Variants in FHIT observed in about 807,000 individuals in gnomAD.
FHIT encodes the protein fragile histidine triad diadenosine triphosphatase.
In FHIT, 19 loss-of-function variants were observed where a neutral mutation model predicts 17.9. The ratio of observed to expected loss-of-function variants is 1.06; its 90% CI spans 0.74 to 1.56. FHIT has a LOEUF of 1.56. FHIT is among the 40% of genes most tolerant of loss of function. The probability of loss-of-function intolerance (pLI) is 0.00; values close to 1 mark genes in which losing one functional copy is unlikely to be tolerated. For missense variants in FHIT, 248 were observed against 189.2 expected (o/e 1.31, Z -1.82); for synonymous variants, 81 against 69.7 (o/e 1.16, Z -0.81).
At chr3:60,884,461 C>T (rs1342450574) in intron 3 of FHIT, among the ~76,000 whole-genome samples, 7 of 152,088 alleles carry the variant, frequency 4.6e-5, no homozygotes, top group African/African-American at 1.4e-4. Context: ...TGGAATCAAC[C>T]TAAGTGTCCA....
chr3:60,338,578 T>C lies in FHIT; in HGVS notation c.103+198282A>G, dbSNP rs1559832812. 3.3e-5 allele frequency among the ~76,000 whole-genome samples: 5 copies of C among 152,322 alleles called. No individual in the cohort carries two copies. The South Asian group carries it at 8.3e-4, about 25-fold the overall frequency. On this transcript the variant is annotated intron_variant, in intron 5 of 9. Coordinates refer to ENST00000492590, the MANE Select transcript of FHIT (RefSeq NM_002012.4). ...GAATTGATAGAAATCCTTTATCACA[T>C]GCTGCCTTCCAAAAAAGAGTTCAAA...
chr3:60,670,028 G>T (rs958265622), intron 4 of FHIT, among the ~76,000 whole-genome samples: 1 of 152,150 alleles, frequency 6.6e-6, no homozygotes, highest in Non-Finnish European at 1.5e-5. Flanking sequence ...TTGGCAAACA[G>T]AAGTTTTAAT....
intron 2 of FHIT, among the ~76,000 whole-genome samples, chr3:61,191,645 A>C (rs1014230764): frequency 6.6e-6 from 1 of 152,200 alleles, no homozygotes; most frequent in African/African-American, 2.4e-5. Context: ...AGATTATCCC[A>C]GAAAAGAGAT....
chr3:60,926,467 C>G (rs1352904464), intron 3 of FHIT, among the ~76,000 whole-genome samples: 1 of 152,052 alleles, frequency 6.6e-6, no homozygotes, highest in Non-Finnish European at 1.5e-5. Context: ...CTGGGTACGT[C>G]GCGAAATGAA....
chr3:60,707,247 C>G (rs1342349562), intron 4 of FHIT, among the ~76,000 whole-genome samples: 1 of 152,144 alleles, frequency 6.6e-6, no homozygotes, highest in Non-Finnish European at 1.5e-5. Context: ...AAAATGGAAA[C>G]CGTGATGACA....
intron 5 of FHIT, among the ~76,000 whole-genome samples, chr3:60,214,208 A>G (rs1703589455): frequency 6.6e-6 from 1 of 152,168 alleles, no homozygotes; most frequent in Non-Finnish European, 1.5e-5. Context: ...AAACTAAAAA[A>G]CTTACAAACA....
chr3:60,612,235 G>C (rs2038807936), intron 4 of FHIT, among the ~76,000 whole-genome samples: 2 of 152,064 alleles, frequency 1.3e-5, no homozygotes, highest in African/African-American at 4.8e-5. Flanking sequence ...CTCTCAATAA[G>C]TCACATATTC....
intron 5 of FHIT, among the ~76,000 whole-genome samples, chr3:60,153,266 G>C (rs1700542550): frequency 6.7e-6 from 1 of 149,684 alleles, no homozygotes; most frequent in Non-Finnish European, 1.5e-5. Flanking sequence ...ACTAGAACCT[G>C]TGTTTTCTCA....
chr3:60,093,195 C>T (rs956352236), intron 5 of FHIT, among the ~76,000 whole-genome samples: 1 of 152,136 alleles, frequency 6.6e-6, no homozygotes, highest in East Asian at 1.9e-4. Context: ...ACACCTTGAG[C>T]CTGACGCAGG....
chr3:60,623,737 T>C (rs1553679660), intron 4 of FHIT, among the ~76,000 whole-genome samples: 2 of 152,160 alleles, frequency 1.3e-5, no homozygotes, highest in African/African-American at 2.4e-5. Flanking sequence ...GTAGTAAAAC[T>C]ATGGGAAGAG....
intron 3 of FHIT, among the ~76,000 whole-genome samples, chr3:60,968,388 T>C (rs1709848967): frequency 6.6e-6 from 1 of 151,884 alleles, no homozygotes; most frequent in Non-Finnish European, 1.5e-5. Flanking sequence ...ATTGTTAATA[T>C]TTCAAATTAA....
chr3:60,955,633 T>TATATATATATATATATATATACACAC (rs1272864632), intron 3 of FHIT, among the ~76,000 whole-genome samples: 2 of 39,540 alleles, frequency 5.1e-5, no homozygotes, highest in African/African-American at 8.0e-5. Context: ...TATATATATA[T>TATATATATATATATATATATACACAC]ACACACACAC....
intron 5 of FHIT, among the ~76,000 whole-genome samples, chr3:60,208,903 A>G (rs1449677110): frequency 6.6e-6 from 1 of 152,196 alleles, no homozygotes; most frequent in Non-Finnish European, 1.5e-5. Flanking sequence ...ATAAATATCA[A>G]GAGAACATCC....
chr3:60,748,018 G>A (rs2042392826), intron 4 of FHIT, among the ~76,000 whole-genome samples: 1 of 152,128 alleles, frequency 6.6e-6, no homozygotes, highest in Admixed American at 6.5e-5. Context: ...GAATGCTAAG[G>A]ATGCTGATCC....
intron 3 of FHIT, among the ~76,000 whole-genome samples, chr3:60,875,931 G>C (rs968707166): frequency 3.3e-5 from 5 of 149,582 alleles, no homozygotes; most frequent in African/African-American, 9.9e-5. Context: ...TCATGTGTGT[G>C]TGTGTGTGTG....
At chr3:60,621,097 G>C (rs2039112828) in intron 4 of FHIT, among the ~76,000 whole-genome samples, 1 of 151,240 alleles carries the variant, frequency 6.6e-6, no homozygotes, top group African/African-American at 2.4e-5. Context: ...CATTCCTGGG[G>C]CAAATGCTCC....
At chr3:61,066,509 G>C (rs2034615484) in intron 2 of FHIT, among the ~76,000 whole-genome samples, 1 of 152,170 alleles carries the variant, frequency 6.6e-6, no homozygotes, top group Non-Finnish European at 1.5e-5. Context: ...CAGCTACTCA[G>C]GAAGCTGAGG....
chr3:60,440,707 G>GT (rs368838222), intron 5 of FHIT, among the ~76,000 whole-genome samples: 4 of 151,896 alleles, frequency 2.6e-5, no homozygotes, highest in African/African-American at 9.7e-5. Flanking sequence ...TAAATCCAAA[G>GT]TTTTTTTCTT....
At chr3:61,110,660 A>G (rs1395652560) in intron 2 of FHIT, among the ~76,000 whole-genome samples, 1 of 152,014 alleles carries the variant, frequency 6.6e-6, no homozygotes, top group Non-Finnish European at 1.5e-5. Context: ...AGGCTGACCA[A>G]CTCTTTACTA....
Sources: allele counts gnomAD v4.1 joint callset (sites outside exome capture counted in the v4.1 genomes callset), GRCh38; gene constraint gnomAD v4.1.1; transcripts MANE v1.5; gene names NCBI Gene and HGNC (gene_info 2026-07-23, HGNC 2026-07-21).